HMBOX1: variants seen among roughly 807,000 people sequenced by gnomAD.
HMBOX1 encodes homeobox-containing protein 1.
A neutral mutation model predicts 54.5 loss-of-function variants in HMBOX1; 14 were observed. The ratio of observed to expected loss-of-function variants is 0.26; its 90% CI spans 0.17 to 0.40. The LOEUF is 0.40. Ranked by LOEUF, HMBOX1 falls within the 10% of genes least tolerant of loss-of-function variation. The pLI is 1.00. For synonymous variants in HMBOX1, 160 were observed against 181.0 expected (o/e 0.88, Z 0.93); for missense variants, 332 against 514.4 (o/e 0.65, Z 3.43).
At position 29,006,391 on chromosome 8, in the gene HMBOX1, A is replaced by G. The variant is rs542869215; in HGVS notation, c.587-2681A>G. On this transcript the variant is annotated intron_variant, in intron 4 of 9. Coordinates refer to ENST00000287701, the MANE Select transcript of HMBOX1 (RefSeq NM_001135726.3). ...TCTTGTCTCTTTTGAACATACTTCTATTGAGCAGGTGCACATTTCTGTGGG... is the reference window on the plus strand; with the variant it reads ...TCTTGTCTCTTTTGAACATACTTCTGTTGAGCAGGTGCACATTTCTGTGGG... Among the ~76,000 whole-genome samples, 11 of 152,322 alleles carry G rather than the reference A, an allele frequency of 7.2e-5. No homozygotes were observed. The East Asian group carries it at 1.7e-3, about 24-fold the overall frequency.
intron 1 of HMBOX1, among the ~76,000 whole-genome samples, chr8:28,919,083 A>C (rs1030169681): frequency 1.3e-5 from 2 of 152,192 alleles, no homozygotes; most frequent in Non-Finnish European, 2.9e-5. Context: ...CATGTCATAA[A>C]TTTTTCTCCA....
chr8:28,912,454 A>C (rs1056124127), intron 1 of HMBOX1, among the ~76,000 whole-genome samples: 4 of 152,210 alleles, frequency 2.6e-5, no homozygotes, highest in Admixed American at 2.6e-4. Flanking sequence ...AATATTGACT[A>C]TTCTCAACCC....
At chr8:28,909,381 A>G (rs1259026191) in intron 1 of HMBOX1, among the ~76,000 whole-genome samples, 1 of 152,246 alleles carries the variant, frequency 6.6e-6, no homozygotes, top group East Asian at 1.9e-4. Flanking sequence ...CCAAAGAAAT[A>G]TGATACAAGT....
intron 9 of HMBOX1, 124 bp from the exon 10 acceptor site, chr8:29,050,894 A>T (rs1300253253): frequency 1.7e-5 from 14 of 823,982 alleles, no homozygotes. Context: ...CCTCTATTTT[A>T]TCATGAGCCC....
Position 28,944,665 on chromosome 8 carries a change from A to G in HMBOX1, c.-57-19146A>G, listed in dbSNP as rs145306729. Reference sequence around the variant, plus strand: ...AAATTCCCACTGGAGAGAGGTGTACAGTTGTCACTAATCATTTTTCCTCTT... The same window carrying G: ...AAATTCCCACTGGAGAGAGGTGTACGGTTGTCACTAATCATTTTTCCTCTT... On this transcript the variant is annotated intron_variant, in intron 1 of 9. Transcript: ENST00000287701. 2.3e-4 allele frequency among the ~76,000 whole-genome samples: 35 copies of G among 152,288 alleles called. No homozygotes were observed. The East Asian group carries it at 6.4e-3, about 28-fold the overall frequency.
At chr8:28,978,340 C>T (rs1828775862) in intron 3 of HMBOX1, among the ~76,000 whole-genome samples, 1 of 152,174 alleles carries the variant, frequency 6.6e-6, no homozygotes, top group Admixed American at 6.5e-5. Flanking sequence ...ATGTGAACCC[C>T]TAGAAAGAGT....
At chr8:28,897,845 T>G (rs1252737902) in intron 1 of HMBOX1, among the ~76,000 whole-genome samples, 2 of 152,258 alleles carry the variant, frequency 1.3e-5, no homozygotes, top group Non-Finnish European at 2.9e-5. Flanking sequence ...GATTAATTGA[T>G]TGTCAGCATA....
At chr8:28,944,846 AGG>A (rs1822129010) in intron 1 of HMBOX1, among the ~76,000 whole-genome samples, 1 of 152,144 alleles carries the variant, frequency 6.6e-6, no homozygotes, top group Non-Finnish European at 1.5e-5. Context: ...GGTTTGTTAG[AGG>A]CACTGTAAAA....
At chr8:29,033,031 C>T (rs1475701741) in intron 6 of HMBOX1, among the ~76,000 whole-genome samples, 1 of 152,090 alleles carries the variant, frequency 6.6e-6, no homozygotes, top group Admixed American at 6.5e-5. Context: ...TTATATCATT[C>T]TCATCCATTA....
intron 1 of HMBOX1, among the ~76,000 whole-genome samples, chr8:28,919,539 A>G (rs1817178707): frequency 6.6e-6 from 1 of 152,196 alleles, no homozygotes; most frequent in Admixed American, 6.5e-5. Flanking sequence ...TGTATTTTCA[A>G]TAATTTCAAT....
chr8:28,940,253 T>C (rs1316734700), intron 1 of HMBOX1, among the ~76,000 whole-genome samples: 1 of 152,146 alleles, frequency 6.6e-6, no homozygotes, highest in African/African-American at 2.4e-5. Context: ...GTGATCCGCC[T>C]GCCTCAGCCT....
Position 29,018,782 on chromosome 8 carries a change from A to C in HMBOX1, c.720A>C (p.Pro240=). ...CAGGCGCTACACTAAGTATGAGACC[A>C]GCCCCCATTCCAATAGAGGACCCTG... ...TNPGATLSMR[P]APIPIEDPEW... The change falls in exon 6 of 10, where the codon CCA becomes CCC. Residue 240 remains proline, a synonymous_variant. Transcript: ENST00000287701. 6.2e-7 allele frequency: 1 copy of C among 1,614,194 alleles called. No homozygotes were observed. Among genetic ancestry groups the C allele is most frequent in the South Asian group, 1.1e-5 (1 of 91,088 alleles).
chr8:29,017,581 A>T lies in HMBOX1; in HGVS notation c.698-1179A>T, dbSNP rs185271533. Among the ~76,000 whole-genome samples, 27 of 152,352 alleles carry T rather than the reference A, an allele frequency of 1.8e-4. No individual in the cohort carries two copies. In the East Asian group the frequency reaches 5.0e-3, roughly 28 times the overall value. ...TATGAATTAGTTATGTATAGGTGGG[A>T]TAATTAGAGAAGTGAAAGATTAATT... On this transcript the variant is annotated intron_variant, in intron 5 of 9. Transcript: ENST00000287701.
intron 4 of HMBOX1, among the ~76,000 whole-genome samples, chr8:29,001,429 A>G (rs568961329): frequency 6.6e-6 from 1 of 152,312 alleles, no homozygotes; most frequent in Admixed American, 6.5e-5. Context: ...GGGCACCTGT[A>G]ATCCCGGCTA....
chr8:29,051,741 A>G lies in HMBOX1; in HGVS notation c.*586A>G, dbSNP rs1034111300. 8 of 614,362 alleles carry G rather than the reference A, an allele frequency of 1.3e-5. No homozygotes were observed. The highest frequency in any genetic ancestry group is 2.4e-5 in the Non-Finnish European group (8 of 333,464). 38.1% of individuals were successfully genotyped at this position (614,362 alleles called of 1,614,324 possible). ...ATACTTCTTTGGGTGCTGTGCTAAG[A>G]ATGTCAATGGAAAAAGCCGATCTCA... On this transcript the variant is annotated 3_prime_UTR_variant, in exon 10 of 10. Coordinates refer to ENST00000287701, the MANE Select transcript of HMBOX1 (RefSeq NM_001135726.3).
chr8:28,940,269 A>T (rs774907082), intron 1 of HMBOX1, among the ~76,000 whole-genome samples: 16 of 152,130 alleles, frequency 1.1e-4, no homozygotes, highest in Non-Finnish European at 5.9e-5. Context: ...AGCCTCCCAA[A>T]GTGCTGGGAT....
intron 6 of HMBOX1, among the ~76,000 whole-genome samples, chr8:29,034,192 T>C (rs541223422): frequency 6.6e-6 from 1 of 152,336 alleles, no homozygotes; most frequent in East Asian, 1.9e-4. Flanking sequence ...TTGAGGAAAC[T>C]TGAATGGACT....
chr8:29,035,201 G>C (rs187131467), intron 6 of HMBOX1, among the ~76,000 whole-genome samples: 1 of 152,044 alleles, frequency 6.6e-6, no homozygotes, highest in East Asian at 1.9e-4. Context: ...TTAGTCAGAG[G>C]TAGTCATTTT....
Position 28,970,376 on chromosome 8 carries a change from G to A in HMBOX1, c.357G>A (p.Arg119=), listed in dbSNP as rs1353022687. 6.2e-7 allele frequency: 1 copy of A among 1,614,120 alleles called. No individual in the cohort carries two copies. Among genetic ancestry groups the A allele is most frequent in the Non-Finnish European group, 8.5e-7 (1 of 1,179,994 alleles). ...CTTGCACTACCAATCAAAATGGGAG[G>A]GAGAATAATGAGCGATTATCTACAT... ...PQPCTTNQNG[R]ENNERLSTSN... is the part of the protein sequence containing the mutation. Residue 119 remains arginine, a synonymous_variant, in exon 3 of 10, where the codon AGG becomes AGA. Transcript: ENST00000287701. The surrounding 1 kb of genome is among the most constrained non-coding windows in gnomAD (Gnocchi z 4.3).
Sources: gnomAD v4.1 joint callset for allele counts (sites outside exome capture counted in the v4.1 genomes callset) on GRCh38, gnomAD v4.1.1 for gene constraint, Gnocchi (gnomAD v3.1) non-coding constraint, MANE v1.5 for transcripts, NCBI Gene and HGNC (gene_info 2026-07-23, HGNC 2026-07-21) for gene names.